The following HMCN1 variants were observed in gnomAD, a reference collection of about 807,000 sequenced individuals.
HMCN1 encodes the protein hemicentin 1.
HMCN1 carries 321 observed loss-of-function variants against 625.9 expected under a neutral mutation model. The observed-to-expected ratio is 0.51, with a 90% CI of 0.47 to 0.56. The LOEUF is 0.56. Ranked by LOEUF, HMCN1 falls within the 20% of genes least tolerant of loss-of-function variation. The probability of loss-of-function intolerance (pLI) is 0.00; values close to 1 mark genes in which losing one functional copy is unlikely to be tolerated. For missense variants in HMCN1, 6,588 were observed against 6,887.3 expected, an observed-to-expected ratio of 0.96 and a Z score of 1.54; for synonymous variants, 2,425 against 2,417.6, an observed-to-expected ratio of 1.00 and a Z score of -0.09.
intron 1 of HMCN1, among the ~76,000 whole-genome samples, chr1:185,777,559 C>T (rs1424087471): frequency 6.6e-6 from 1 of 152,068 alleles, no homozygotes; most frequent in African/African-American, 2.4e-5. Flanking sequence ...TCAAGTGATT[C>T]TCCTGCCTCA....
chr1:185,911,481 T>C (rs181808943), intron 5 of HMCN1, among the ~76,000 whole-genome samples, 193 bp from the exon 6 acceptor site: 2 of 152,256 alleles, frequency 1.3e-5, no homozygotes, highest in East Asian at 3.9e-4. Flanking sequence ...TACTGGAAAT[T>C]GAATGTGTTT....
intron 56 of HMCN1, 33 bp downstream of exon 56, chr1:186,081,427 G>A (rs760879557): frequency 2.0e-6 from 3 of 1,490,564 alleles, no homozygotes; most frequent in Admixed American, 1.7e-5. Flanking sequence ...TTTTAAAAGA[G>A]CTATTTGACT....
At chr1:186,118,122 ATT>A (rs1237481015) in intron 77 of HMCN1, among the ~76,000 whole-genome samples, 1 of 152,124 alleles carries the variant, frequency 6.6e-6, no homozygotes, top group Admixed American at 6.6e-5. Context: ...ATGAAGGAAA[ATT>A]TTTTATAGTG....
intron 52 of HMCN1, among the ~76,000 whole-genome samples, chr1:186,072,249 C>CAGACATTAAAAACTGGACAAAGTATTGG (rs1658521226): frequency 6.6e-6 from 1 of 152,108 alleles, no homozygotes; most frequent in Non-Finnish European, 1.5e-5. Flanking sequence ...AACATATTGA[C>CAGACATTAAAAACTGGACAAAGTATTGG]AGACATTAAA....
rs1319792957 is a variant in HMCN1 at position 185,886,683 on chromosome 1, A to C, written c.621+20820A>C. Among the ~76,000 whole-genome samples, 3 of 152,082 alleles carry C rather than the reference A, an allele frequency of 2.0e-5. No individual in the cohort carries two copies. The East Asian group carries it at 5.8e-4, about 29-fold the overall frequency. On this transcript the variant is annotated intron_variant, in intron 4 of 106. Transcript: ENST00000271588. Reference sequence around the variant, plus strand: ...GATATATTATGGAAAATTTTATTTAATACACTCCAATGTCAGCTCTCTTGC... The same window carrying C: ...GATATATTATGGAAAATTTTATTTACTACACTCCAATGTCAGCTCTCTTGC...
At chr1:185,871,610 A>T (rs1007801600) in intron 4 of HMCN1, among the ~76,000 whole-genome samples, 3 of 152,230 alleles carry the variant, frequency 2.0e-5, no homozygotes, top group Non-Finnish European at 4.4e-5. Flanking sequence ...CAAAGGAAAT[A>T]AACTGAACCC....
intron 11 of HMCN1, among the ~76,000 whole-genome samples, chr1:185,949,873 C>T (rs1315209630): frequency 6.6e-6 from 1 of 151,608 alleles, no homozygotes; most frequent in East Asian, 1.9e-4. Flanking sequence ...CTGAATAATC[C>T]CTGAGGAGTA....
chr1:185,782,946 A>T (rs1042785906), intron 1 of HMCN1, among the ~76,000 whole-genome samples: 8 of 152,180 alleles, frequency 5.3e-5, no homozygotes, highest in Non-Finnish European at 1.2e-4. Context: ...AGTGTTTTCC[A>T]ACTTGGTTCC....
intron 105 of HMCN1, among the ~76,000 whole-genome samples, chr1:186,185,772 T>C (rs1370141719): frequency 1.3e-5 from 2 of 152,230 alleles, no homozygotes. Context: ...TGTACTACTG[T>C]ACAATGACAT....
chr1:185,982,719 G>A (rs1010227414), intron 18 of HMCN1, among the ~76,000 whole-genome samples: 1 of 152,048 alleles, frequency 6.6e-6, no homozygotes, highest in African/African-American at 2.4e-5. Context: ...GGGATTACAG[G>A]TGTGAACCAC....
intron 11 of HMCN1, among the ~76,000 whole-genome samples, chr1:185,937,371 G>A (rs1013476769): frequency 6.6e-6 from 1 of 152,140 alleles, no homozygotes; most frequent in Non-Finnish European, 1.5e-5. Context: ...ATGGTGGAAG[G>A]CAGAAAGACA....
At chr1:186,056,676 TA>T (rs1237121770) in intron 45 of HMCN1, among the ~76,000 whole-genome samples, 1 of 151,956 alleles carries the variant, frequency 6.6e-6, no homozygotes, top group East Asian at 1.9e-4. Context: ...TTCTCACTTA[TA>T]AGTGGGAACT....
At chr1:185,825,508 C>A (rs1432634317) in intron 1 of HMCN1, among the ~76,000 whole-genome samples, 3 of 152,088 alleles carry the variant, frequency 2.0e-5, no homozygotes, top group African/African-American at 7.2e-5. Context: ...ATAAATGTAG[C>A]AAGCTCAAAA....
At chr1:185,976,262 C>T (rs565766029) in intron 15 of HMCN1, among the ~76,000 whole-genome samples, 21 of 152,178 alleles carry the variant, frequency 1.4e-4, no homozygotes, top group African/African-American at 5.1e-4. Context: ...ACAGACATTA[C>T]ATTTGTGGGA....
In HMCN1 at chr1:185,970,445, A is replaced by C; in HGVS notation, c.2323A>C (p.Ile775Leu). Residue 775 changes from isoleucine to leucine, a missense_variant, in exon 15 of 107, where the codon ATC (isoleucine) becomes CTC (leucine). Ile to Leu is a conservative substitution (Grantham distance 5, BLOSUM62 2). This residue lies in a region of HMCN1 where 4,628 missense variants were observed against 4,853.1 expected (regional missense o/e 0.95). Coordinates refer to ENST00000271588, the MANE Select transcript of HMCN1 (RefSeq NM_031935.3). ...LDAGDYTCVA[I>L]NEAGRATGKI... ...TGCTGGCGATTATACCTGTGTAGCCATCAATGAGGCTGGAAGAGCAACTGG... is the reference window on the plus strand; with the variant it reads ...TGCTGGCGATTATACCTGTGTAGCCCTCAATGAGGCTGGAAGAGCAACTGG... 1 of 1,613,900 alleles carries C rather than the reference A, an allele frequency of 6.2e-7. No homozygotes were observed. The highest frequency in any genetic ancestry group is 8.5e-7 in the Non-Finnish European group (1 of 1,179,772).
At chr1:186,107,523 C>G (rs952254872) in intron 70 of HMCN1, among the ~76,000 whole-genome samples, 3 of 151,966 alleles carry the variant, frequency 2.0e-5, no homozygotes, top group African/African-American at 7.3e-5. Flanking sequence ...TATAGTGTAC[C>G]TATAGAATTT....
chr1:185,796,126 A>G (rs918961325), intron 1 of HMCN1, among the ~76,000 whole-genome samples: 1 of 152,160 alleles, frequency 6.6e-6, no homozygotes, highest in Non-Finnish European at 1.5e-5. Flanking sequence ...TTTTCCATGG[A>G]CAGTGAAAGG....
intron 1 of HMCN1, among the ~76,000 whole-genome samples, chr1:185,738,627 A>C (rs6701269): frequency 0.03 from 4,617 of 152,202 alleles, 246 homozygotes; most frequent in African/African-American, 0.11. Context: ...TGTTTGAGAA[A>C]CTGCCAAGCT....
At chr1:186,078,368 C>A in intron 55 of HMCN1, 148 bp downstream of exon 55, 1 of 674,036 alleles carries the variant, frequency 1.5e-6, no homozygotes, top group Non-Finnish European at 2.7e-6. Flanking sequence ...TTATCTTCTA[C>A]AAATTGACAG....
Sources: allele counts gnomAD v4.1 joint callset (sites outside exome capture counted in the v4.1 genomes callset), GRCh38; gene constraint gnomAD v4.1.1; regional missense constraint gnomAD v4.1.1; transcripts MANE v1.5; gene names NCBI Gene and HGNC (gene_info 2026-07-23, HGNC 2026-07-21).